Variants in FER1L5 observed in about 807,000 individuals in gnomAD.
FER1L5 encodes fer-1 like family member 5.
A neutral mutation model predicts 279.9 loss-of-function variants in FER1L5; 187 were observed. The ratio of observed to expected loss-of-function variants is 0.67; its 90% CI spans 0.59 to 0.75. The LOEUF is 0.75. Among genes scored for constraint, FER1L5 ranks in the 30% least tolerant of loss-of-function variants. The probability of loss-of-function intolerance (pLI) is 0.00; values close to 1 mark genes in which losing one functional copy is unlikely to be tolerated. For missense variants in FER1L5, 2,091 were observed against 2,594.4 expected (o/e 0.81, Z 4.21); for synonymous variants, 921 against 989.7 (o/e 0.93, Z 1.30).
intron 51 of FER1L5, 104 bp downstream of exon 51, chr2:96,703,736 C>T (rs2077675693): frequency 3.1e-6 from 3 of 954,076 alleles, no homozygotes; most frequent in Admixed American, 2.0e-5. Flanking sequence ...TACCTCCCAC[C>T]CCACAGCTCT....
At chr2:96,645,292 G>A (rs1468370049) in intron 1 of FER1L5, among the ~76,000 whole-genome samples, 1 of 152,226 alleles carries the variant, frequency 6.6e-6, no homozygotes, top group East Asian at 1.9e-4. Context: ...ACAAATGGTA[G>A]TTTAGGGACT....
At chr2:96,701,901 C>G in intron 45 of FER1L5, 54 bp from the exon 46 acceptor site, 1 of 1,574,974 alleles carries the variant, frequency 6.3e-7, no homozygotes, top group Non-Finnish European at 8.7e-7. Flanking sequence ...CCAGGCCAGC[C>G]TGCTGAGAAC....
intron 17 of FER1L5, among the ~76,000 whole-genome samples, chr2:96,669,881 A>G (rs1044465713): frequency 6.6e-6 from 1 of 152,174 alleles, no homozygotes; most frequent in Admixed American, 6.5e-5. Context: ...AGCCTGAAGC[A>G]TGGTGGGAGC....
intron 19 of FER1L5, among the ~76,000 whole-genome samples, 166 bp from the exon 20 acceptor site, chr2:96,684,161 G>A (rs1269783318): frequency 6.6e-6 from 1 of 152,188 alleles, no homozygotes; most frequent in Admixed American, 6.5e-5. Flanking sequence ...ATTCTCAGTT[G>A]GGCCCCAGCC....
At chr2:96,678,302 G>T (rs1242449870) in intron 19 of FER1L5, among the ~76,000 whole-genome samples, 1 of 151,872 alleles carries the variant, frequency 6.6e-6, no homozygotes, top group Non-Finnish European at 1.5e-5. Context: ...GCTAGATTTT[G>T]TATTTTTCGT....
At chr2:96,682,402 T>C (rs955303694) in intron 19 of FER1L5, among the ~76,000 whole-genome samples, 2 of 152,226 alleles carry the variant, frequency 1.3e-5, no homozygotes, top group African/African-American at 4.8e-5. Flanking sequence ...AAGAGATTTT[T>C]TGAGAGATAT....
chr2:96,652,022 T>C lies in FER1L5; in HGVS notation c.633+2T>C. The C allele has an allele frequency of 1.3e-6, 2 of 1,551,576 alleles. No homozygotes were observed. The highest frequency in any genetic ancestry group is 8.7e-7 in the Non-Finnish European group (1 of 1,146,968). ...GGAAACAACCCTTTCTTTAATGAGGTGGGCTGAACGGGGCACATCAGGCAA... is the reference window on the plus strand; with the variant it reads ...GGAAACAACCCTTTCTTTAATGAGGCGGGCTGAACGGGGCACATCAGGCAA... On this transcript the variant is annotated splice_donor_variant, in intron 7 of 52. Coordinates refer to ENST00000624922, the MANE Select transcript of FER1L5 (RefSeq NM_001293083.2). LOFTEE classifies it high-confidence loss of function.
chr2:96,652,392 C>A (rs545235318), intron 7 of FER1L5: 3 of 209,494 alleles, frequency 1.4e-5, no homozygotes, highest in Non-Finnish European at 3.0e-5. Context: ...AGTAGGTGCT[C>A]CATAAATACT....
chr2:96,664,260 C>A (rs2076052502), intron 14 of FER1L5, among the ~76,000 whole-genome samples: 1 of 151,892 alleles, frequency 6.6e-6, no homozygotes. Flanking sequence ...TCCAGGAAAC[C>A]CATCATACAA....
In FER1L5 at chr2:96,691,696, T is replaced by G. The variant is rs1316054517; in HGVS notation, c.3075+84T>G. 46 of 1,538,886 alleles carry G rather than the reference T, an allele frequency of 3.0e-5. No homozygotes were observed. The highest frequency in any genetic ancestry group is 3.8e-5 in the Non-Finnish European group (43 of 1,139,974). On this transcript the variant is annotated intron_variant, in intron 29 of 52. Coordinates refer to ENST00000624922, the MANE Select transcript of FER1L5 (RefSeq NM_001293083.2). The surrounding 1 kb of genome is among the most constrained non-coding windows in gnomAD (Gnocchi z 6.0). ...GGCCTGGCCTGGCTGGGGCGCTGAC[T>G]GCGGAGGAAGGGCCTCTGTTCCTCA...
At chr2:96,679,294 G>A (rs1442663419) in intron 19 of FER1L5, among the ~76,000 whole-genome samples, 1 of 151,938 alleles carries the variant, frequency 6.6e-6, no homozygotes, top group Non-Finnish European at 1.5e-5. Flanking sequence ...CACAATCTCG[G>A]CTCACTGCAA....
intron 19 of FER1L5, among the ~76,000 whole-genome samples, chr2:96,680,044 T>G (rs1463441515): frequency 6.6e-6 from 1 of 152,174 alleles, no homozygotes; most frequent in Non-Finnish European, 1.5e-5. Flanking sequence ...GCTGTCTGTC[T>G]TGCTAGTCGT....
chr2:96,704,100 G>C, intron 51 of FER1L5, 115 bp from the exon 52 acceptor site: 1 of 1,267,454 alleles, frequency 7.9e-7, no homozygotes, highest in Non-Finnish European at 1.1e-6. Flanking sequence ...ACAGGCGTGA[G>C]ACACTGTGCC....
At position 96,681,486 on chromosome 2, in the gene FER1L5, C is replaced by T. The variant is rs1240151778; in HGVS notation, c.1670-2841C>T. On this transcript the variant is annotated intron_variant, in intron 19 of 52. Transcript: ENST00000624922. ...ACTTTAGCCAGACCTCAGAGAATGC[C>T]TACGAAGTTCCAAGAAAGTGAGCAG... Among the ~76,000 whole-genome samples, 3 of 152,190 alleles carry T rather than the reference C, an allele frequency of 2.0e-5. No individual in the cohort carries two copies. In the East Asian group the frequency reaches 5.8e-4, roughly 29 times the overall value.
intron 20 of FER1L5, 42 bp downstream of exon 20, chr2:96,684,493 A>G: frequency 6.5e-7 from 1 of 1,538,036 alleles, no homozygotes; most frequent in Non-Finnish European, 8.8e-7. Flanking sequence ...CACCTGTTTC[A>G]GAGTGTGGCT....
At position 96,698,701 on chromosome 2, in the gene FER1L5, A is replaced by G; in HGVS notation, c.4387A>G (p.Asn1463Asp). 1.9e-6 allele frequency: 3 copies of G among 1,588,482 alleles called. No individual in the cohort carries two copies. Among genetic ancestry groups the G allele is most frequent in the Non-Finnish European group, 2.6e-6 (3 of 1,168,088 alleles). The change falls in exon 41 of 53, where the codon AAT becomes GAT. Residue 1463 changes from asparagine (N) to aspartate (D), a missense_variant. Coordinates refer to ENST00000624922, the MANE Select transcript of FER1L5 (RefSeq NM_001293083.2). This position sits in a 1 kb window ranked among gnomAD's most constrained non-coding sequence, Gnocchi z 5.5. ...TTTCCGCATCTACCCCTTTCCTGAG[A>G]ATCCAGAAGCCCCAAAGCCCCCGCT... ...GLFRIYPFPE[N>D]PEAPKPPLQF...
chr2:96,655,404 G>T (rs2075559060), intron 9 of FER1L5, among the ~76,000 whole-genome samples: 1 of 152,216 alleles, frequency 6.6e-6, no homozygotes, highest in Non-Finnish European at 1.5e-5. Context: ...ATATAAGTAT[G>T]TCCCAAATAT....
chr2:96,651,792 C>A (rs767768069), intron 6 of FER1L5, 100 bp from the exon 7 acceptor site: 6 of 1,488,518 alleles, frequency 4.0e-6, no homozygotes, highest in Non-Finnish European at 5.5e-6. Flanking sequence ...CAGGCATGAG[C>A]CACTCATTGC....
rs1475231101 is a variant in FER1L5, at chr2:96,694,542, C to T, written c.3741+78C>T. On this transcript the variant is annotated intron_variant, in intron 34 of 52. Coordinates refer to ENST00000624922, the MANE Select transcript of FER1L5 (RefSeq NM_001293083.2). This position sits in a 1 kb window ranked among gnomAD's most constrained non-coding sequence, Gnocchi z 4.6. Reference sequence around the variant, plus strand: ...GAGTGCGCTGCAGCCTTCTGCTGGTCCTCCCTGACTACTGGATCCAAAGCT... The same window carrying T: ...GAGTGCGCTGCAGCCTTCTGCTGGTTCTCCCTGACTACTGGATCCAAAGCT... The T allele has an allele frequency of 4.3e-6, 5 of 1,166,614 alleles. No homozygotes were observed. Among genetic ancestry groups the T allele is most frequent in the African/African-American group, 1.6e-5 (1 of 64,190 alleles). 72.3% of individuals were successfully genotyped at this position (1,166,614 alleles called of 1,614,324 possible).
Sources: gnomAD v4.1 joint callset for allele counts (sites outside exome capture counted in the v4.1 genomes callset) on GRCh38, gnomAD v4.1.1 for gene constraint, Gnocchi (gnomAD v3.1) non-coding constraint, MANE v1.5 for transcripts, NCBI Gene and HGNC (gene_info 2026-07-23, HGNC 2026-07-21) for gene names.